The following PIWIL1 variants were observed in gnomAD, a reference collection of about 807,000 sequenced individuals.
PIWIL1 encodes the protein piwi like RNA-mediated gene silencing 1.
PIWIL1 carries 73 observed loss-of-function variants against 114.4 expected under a neutral mutation model. The observed-to-expected ratio is 0.64, with a 90% CI of 0.53 to 0.78. The LOEUF is 0.78. Ranked by LOEUF, PIWIL1 falls within the 30% of genes least tolerant of loss-of-function variation. The pLI, the probability that PIWIL1 is intolerant of heterozygous loss-of-function variation, is 0.00. For synonymous variants in PIWIL1, 375 were observed against 369.0 expected, an observed-to-expected ratio of 1.02 and a Z score of -0.19; for missense variants, 723 against 1,063.1, an observed-to-expected ratio of 0.68 and a Z score of 4.45.
chr12:130,347,190 A>G (rs1464548315), intron 6 of PIWIL1, 128 bp downstream of exon 6: 1 of 705,058 alleles, frequency 1.4e-6, no homozygotes, highest in Non-Finnish European at 2.4e-6. Context: ...TCTGTATTGC[A>G]GTAACTTAAG....
the PIWIL1 span, among the ~76,000 whole-genome samples, chr12:130,394,793 A>T: frequency 7.0e-6 from 1 of 143,856 alleles, no homozygotes; most frequent in African/African-American, 2.5e-5. Context: ...GAAAAGTGTT[A>T]GCGAGAGGAT....
the PIWIL1 span, chr12:130,399,696 G>A: frequency 2.5e-6 from 4 of 1,613,704 alleles, no homozygotes; most frequent in Non-Finnish European, 3.4e-6. Context: ...GCCTTTGAGC[G>A]CATTGGCGTA....
the PIWIL1 span, among the ~76,000 whole-genome samples, chr12:130,401,119 T>C: frequency 3.1e-3 from 458 of 145,982 alleles, 2 homozygotes; most frequent in African/African-American, 0.012. Context: ...ATTTTATATC[T>C]TTTTTTTTTA....
In PIWIL1 at chr12:130,349,219, A is replaced by G; in HGVS notation, c.735-20A>G. On this transcript the variant is annotated intron_variant, in intron 7 of 20. Transcript: ENST00000245255. ...GTTGAATGTGGAGAGGTTCTTCATG[A>G]CCCCCATCTCGTCTGACAGGTTGGT... The G allele has an allele frequency of 6.3e-7, 1 of 1,598,076 alleles. No homozygotes were observed. The highest frequency in any genetic ancestry group is 1.3e-5 in the African/African-American group (1 of 74,704).
At chr12:130,341,333 C>G (rs4759455) in intron 1 of PIWIL1, among the ~76,000 whole-genome samples, 74,540 of 152,140 alleles carry the variant, frequency 0.49, 19,384 homozygotes, top group Middle Eastern at 0.62. Context: ...ACCCTACCTT[C>G]CAATTCCTAA....
At chr12:130,368,371 A>G (rs1252330804) in intron 19 of PIWIL1, among the ~76,000 whole-genome samples, 1 of 152,192 alleles carries the variant, frequency 6.6e-6, no homozygotes, top group South Asian at 2.1e-4. Flanking sequence ...ATGAGGCAAT[A>G]CTATAGCGAC....
rs1402329742 is a variant in PIWIL1 at position 130,342,410 on chromosome 12, A to G, written c.-12-170A>G. 5 of 610,806 alleles carry G rather than the reference A, an allele frequency of 8.2e-6. No individual in the cohort carries two copies. The African/African-American group carries it at 9.3e-5, about 11-fold the overall frequency. 37.8% of individuals were successfully genotyped at this position (610,806 alleles called of 1,614,324 possible). A position where few individuals can be genotyped will look rare whatever the true frequency, so the allele number is the denominator to read the frequency against. On this transcript the variant is annotated intron_variant, in intron 1 of 20. Transcript: ENST00000245255. ...CAAGGTAAGCAACTGAGTTTGTTGA[A>G]TGTAGGAATGTTACATTAAAAAAAA...
the PIWIL1 span, chr12:130,383,468 A>C: frequency 1.3e-5 from 2 of 152,218 alleles, no homozygotes; most frequent in Non-Finnish European, 2.9e-5. Context: ...ATCTGCCTAC[A>C]GGAAAGCCAA....
At chr12:130,393,468 C>G in the PIWIL1 span, among the ~76,000 whole-genome samples, 9 of 93,270 alleles carry the variant, frequency 9.6e-5, no homozygotes, top group African/African-American at 1.5e-4. Flanking sequence ...CATCACGTGT[C>G]CGTCAGTTAC....
intron 12 of PIWIL1, 59 bp from the exon 13 acceptor site, chr12:130,356,855 CTGTT>C: frequency 1.7e-6 from 2 of 1,158,478 alleles, no homozygotes; most frequent in East Asian, 2.4e-5. Flanking sequence ...TTATTGAAGA[CTGTT>C]TGGCTTGATC....
chr12:130,349,941 G>A lies in PIWIL1; in HGVS notation c.1018G>A (p.Val340Ile). The A allele has an allele frequency of 6.2e-7, 1 of 1,611,810 alleles. No homozygotes were observed. The highest frequency in any genetic ancestry group is 8.5e-7 in the Non-Finnish European group (1 of 1,178,240). The change falls in exon 9 of 21, where the codon GTC becomes ATC. Residue 340 changes from valine (V) to isoleucine (I), a missense_variant. Val to Ile is a conservative substitution (Grantham distance 29, BLOSUM62 3). This residue lies in a region of PIWIL1 where 298 missense variants were observed against 420.8 expected (regional missense o/e 0.71). Coordinates refer to ENST00000245255, the MANE Select transcript of PIWIL1 (RefSeq NM_004764.5). ...CTTTAAGAAAGCCGACGGCTCTGAAGTCAGCTTCTTAGAATACTACAGGAA... is the reference window on the plus strand; with the variant it reads ...CTTTAAGAAAGCCGACGGCTCTGAAATCAGCTTCTTAGAATACTACAGGAA... Reference protein sequence around the residue: ...STFKKADGSEVSFLEYYRKQY... With the variant: ...STFKKADGSEISFLEYYRKQY...
the PIWIL1 span, among the ~76,000 whole-genome samples, chr12:130,404,571 G>A: frequency 3.9e-5 from 6 of 152,274 alleles, no homozygotes; most frequent in South Asian, 4.1e-4. Flanking sequence ...ATGAGTCACC[G>A]TGCCCGGCCG....
At chr12:130,385,641 A>G in the PIWIL1 span, among the ~76,000 whole-genome samples, 2 of 152,216 alleles carry the variant, frequency 1.3e-5, no homozygotes, top group East Asian at 1.9e-4. Flanking sequence ...TTGCATGCAC[A>G]TTCAGAGATG....
At chr12:130,385,330 A>G in the PIWIL1 span, among the ~76,000 whole-genome samples, 1 of 152,254 alleles carries the variant, frequency 6.6e-6, no homozygotes, top group South Asian at 2.1e-4. Flanking sequence ...TTGAAACATT[A>G]TCATGAGCTA....
At chr12:130,412,722 A>T in the PIWIL1 span, 8 of 1,613,956 alleles carry the variant, frequency 5.0e-6, no homozygotes, top group Non-Finnish European at 5.9e-6. Flanking sequence ...TGTTACAAGG[A>T]ATAAGGCCAA....
At position 130,357,143 on chromosome 12, in the gene PIWIL1, T is replaced by C. The variant is rs193142983; in HGVS notation, c.1592+38T>C. The C allele has an allele frequency of 1.6e-5, 25 of 1,555,002 alleles. No individual in the cohort carries two copies. The Admixed American group carries it at 2.1e-4, about 13-fold the overall frequency. On this transcript the variant is annotated intron_variant, in intron 13 of 20. Transcript: ENST00000245255. ...AGTCATTTCTGCTCTGAAAATTGCTTGGCAGTCATTTGGAGGGGTGGGAAC... is the reference window on the plus strand; with the variant it reads ...AGTCATTTCTGCTCTGAAAATTGCTCGGCAGTCATTTGGAGGGGTGGGAAC...
At chr12:130,423,808 T>G in the PIWIL1 span, among the ~76,000 whole-genome samples, 1 of 151,916 alleles carries the variant, frequency 6.6e-6, no homozygotes, top group African/African-American at 2.4e-5. Context: ...AGGATCCCTG[T>G]GAACACAAAC....
In PIWIL1 at chr12:130,355,667, A is replaced by G; in HGVS notation, c.1404A>G (p.Thr468=). Residue 468 remains threonine (T), a splice_region_variant and synonymous_variant, in exon 12 of 21, where the codon ACA becomes ACG. Coordinates refer to ENST00000245255, the MANE Select transcript of PIWIL1 (RefSeq NM_004764.5). ...QTEKIHQGGK[T]FDYNPQFADW... ...AAAAGATTCACCAAGGTGGAAAAAC[A>G]GTAAGGCAGTTTTTCGTTGGTGTTG... 6.3e-7 allele frequency: 1 copy of G among 1,598,066 alleles called. No homozygotes were observed. The highest frequency in any genetic ancestry group is 8.6e-7 in the Non-Finnish European group (1 of 1,165,254).
chr12:130,338,366 C>G (rs2072777344), intron 1 of PIWIL1: 2 of 97,714 alleles, frequency 2.0e-5, no homozygotes, highest in South Asian at 1.2e-4. Flanking sequence ...GTGGGAGATG[C>G]AGGAGCCGGG....
Sources: gnomAD v4.1 joint callset for allele counts (sites outside exome capture counted in the v4.1 genomes callset) on GRCh38, gnomAD v4.1.1 for gene constraint, gnomAD v4.1.1 regional missense constraint, MANE v1.5 for transcripts, NCBI Gene and HGNC (gene_info 2026-07-23, HGNC 2026-07-21) for gene names.